The following UBOX5 variants were observed in gnomAD, a reference collection of about 807,000 sequenced individuals.
UBOX5 encodes U-box domain containing 5, also known as RING finger protein 37.
UBOX5 carries 28 observed loss-of-function variants against 39.0 expected under a neutral mutation model. The ratio of observed to expected loss-of-function variants is 0.72; its 90% confidence interval spans 0.53 to 0.98. The LOEUF is 0.98. Among genes scored for constraint, UBOX5 ranks in the 50% least tolerant of loss-of-function variants. The probability of loss-of-function intolerance (pLI) is 0.00; values close to 1 mark genes in which losing one functional copy is unlikely to be tolerated. For missense variants in UBOX5, 585 were observed against 674.4 expected (o/e 0.87, Z 1.47); for synonymous variants, 283 against 275.5 (o/e 1.03, Z -0.27).
At chr20:3,153,762 T>C (rs569708091) in intron 1 of UBOX5, among the ~76,000 whole-genome samples, 1 of 152,324 alleles carries the variant, frequency 6.6e-6, no homozygotes, top group East Asian at 1.9e-4. Flanking sequence ...TGAGTATCCC[T>C]TGTCCAAAAT....
At position 3,121,878 on chromosome 20, in the gene UBOX5, T is replaced by G. The variant is rs1409860873; in HGVS notation, c.761A>C (p.Glu254Ala). The G allele has an allele frequency of 6.2e-7, 1 of 1,613,858 alleles. No homozygotes were observed. Among genetic ancestry groups the G allele is most frequent in the East Asian group, 2.2e-5 (1 of 44,870 alleles). Residue 254 changes from glutamate (E) to alanine (A), a missense_variant, in exon 3 of 5, where the codon GAG (glutamate) becomes GCG (alanine). Glu to Ala is a moderately radical substitution (Grantham distance 107, BLOSUM62 -1). Coordinates refer to ENST00000217173, the MANE Select transcript of UBOX5 (RefSeq NM_014948.4). The part of the protein sequence containing the change: ...QAPSSLQKLA[E>A]IIQDVPEEFL... ...CTCCTCAGGCACATCCTGAATGATC[T>G]CGGCCAGCTTCTGCAGGCTGGAGGG... is the stretch of plus-strand genomic sequence containing the variant.
At position 3,121,835 on chromosome 20, in the gene UBOX5, G is replaced by C. The variant is rs1026883995; in HGVS notation, c.804C>G (p.Thr268=). The change falls in exon 3 of 5, where the codon ACC becomes ACG. Residue 268 remains threonine (T), a synonymous_variant. Coordinates refer to ENST00000217173, the MANE Select transcript of UBOX5 (RefSeq NM_014948.4). The stretch of plus-strand genomic sequence containing the variant: ...GCATGGGACAAGGCATGATCTCCAG[G>C]GTGATGGGATCCAGGAACTCCTCAG... ...DVPEEFLDPI[T]LEIMPCPMLL... is the part of the protein sequence containing the mutation. 1.9e-6 allele frequency: 3 copies of C among 1,614,120 alleles called. No homozygotes were observed. Among genetic ancestry groups the C allele is most frequent in the Non-Finnish European group, 2.5e-6 (3 of 1,180,040 alleles).
At chr20:3,141,440 G>C (rs959348959) in intron 1 of UBOX5, among the ~76,000 whole-genome samples, 1 of 151,806 alleles carries the variant, frequency 6.6e-6, no homozygotes, top group African/African-American at 2.4e-5. Context: ...CTGAGGTCAG[G>C]AGTTTTTGAT....
At chr20:3,144,779 T>C (rs1296556731) in intron 1 of UBOX5, among the ~76,000 whole-genome samples, 2 of 152,160 alleles carry the variant, frequency 1.3e-5, no homozygotes, top group African/African-American at 2.4e-5. Context: ...CAAACCTGAA[T>C]CCCACCAGAC....
rs192844911 is a variant in UBOX5 at position 3,129,870 on chromosome 20, A to C, written c.-41-6464T>G. On this transcript the variant is annotated intron_variant, in intron 1 of 4. Coordinates refer to ENST00000217173, the MANE Select transcript of UBOX5 (RefSeq NM_014948.4). ...CATCCCTCAAATTTCTCCCTACCTG[A>C]ATTATTTATTTTTATATAATAGAGC... Among the ~76,000 whole-genome samples the C allele has an allele frequency of 7.3e-3, 1,113 of 152,314 alleles. 15 individuals are homozygous for C. Among genetic ancestry groups the C allele is most frequent in the African/African-American group, 0.026 (1,076 of 41,558 alleles).
At chr20:3,132,183 G>C (rs2148604998) in intron 1 of UBOX5, among the ~76,000 whole-genome samples, 1 of 150,468 alleles carries the variant, frequency 6.6e-6, no homozygotes, top group South Asian at 2.1e-4. Flanking sequence ...GGTTGCGCAT[G>C]CCTGTAATCC....
chr20:3,121,745 T>G lies in UBOX5; in HGVS notation c.894A>C (p.Thr298=), dbSNP rs2066338412. 2 of 1,613,932 alleles carry G rather than the reference T, an allele frequency of 1.2e-6. No homozygotes were observed. Among genetic ancestry groups the G allele is most frequent in the African/African-American group, 2.7e-5 (2 of 74,892 alleles). The change falls in exon 3 of 5, where the codon ACA becomes ACC. Residue 298 remains threonine (T), a synonymous_variant. Coordinates refer to ENST00000217173, the MANE Select transcript of UBOX5 (RefSeq NM_014948.4). ...AAGGGTCACTGGGCACTCGGCCCCA[T>G]GTGGCTTCACTGCGGTTACACTTCT... ...TLEKCNRSEA[T]WGRVPSDPFT...
intron 1 of UBOX5, among the ~76,000 whole-genome samples, chr20:3,140,320 C>T (rs1393181663): frequency 6.6e-6 from 1 of 152,154 alleles, no homozygotes; most frequent in Admixed American, 6.6e-5. Flanking sequence ...AGCCACCGCA[C>T]CCAGCCCAGT....
chr20:3,115,233 G>T, intron 4 of UBOX5, 72 bp downstream of exon 4: 1 of 1,506,346 alleles, frequency 6.6e-7, no homozygotes. Flanking sequence ...CCAGGGACTC[G>T]GCCCAGCATC....
chr20:3,148,061 A>G (rs2066586746), intron 1 of UBOX5: 1 of 1,614,204 alleles, frequency 6.2e-7, no homozygotes, highest in African/African-American at 1.3e-5. Context: ...AATTTTCCGC[A>G]TGACAAATTC....
intron 1 of UBOX5, chr20:3,148,955 C>T: frequency 6.2e-7 from 1 of 1,614,192 alleles, no homozygotes; most frequent in East Asian, 2.2e-5. Context: ...GTCCTGTCCC[C>T]CATGCTGTGT....
chr20:3,127,645 C>T (rs1316513810), intron 1 of UBOX5, among the ~76,000 whole-genome samples: 4 of 152,054 alleles, frequency 2.6e-5, no homozygotes, highest in African/African-American at 7.2e-5. Context: ...ATTCCACATG[C>T]GCTCCTGCGT....
intron 3 of UBOX5, among the ~76,000 whole-genome samples, chr20:3,118,019 T>A (rs1286246697): frequency 1.3e-5 from 2 of 151,256 alleles, no homozygotes; most frequent in African/African-American, 4.9e-5. Flanking sequence ...ATAAAAAAAA[T>A]TAGCCAGTAT....
At chr20:3,140,745 G>A (rs547582050) in intron 1 of UBOX5, among the ~76,000 whole-genome samples, 2 of 151,580 alleles carry the variant, frequency 1.3e-5, no homozygotes, top group African/African-American at 4.9e-5. Flanking sequence ...AGATTCAGGA[G>A]ACACATGTGC....
intron 1 of UBOX5, among the ~76,000 whole-genome samples, chr20:3,153,102 G>T (rs1568483779): frequency 6.6e-6 from 1 of 151,984 alleles, no homozygotes; most frequent in Non-Finnish European, 1.5e-5. Flanking sequence ...ACATAAACAA[G>T]AATTAACAAA....
intron 3 of UBOX5, 45 bp from the exon 4 acceptor site, chr20:3,115,511 C>CA (rs1325523450): frequency 6.4e-7 from 1 of 1,556,906 alleles, no homozygotes; most frequent in Non-Finnish European, 8.7e-7. Context: ...ACAGGCTCCG[C>CA]AAAAGAGAAC....
intron 1 of UBOX5, among the ~76,000 whole-genome samples, chr20:3,155,836 C>G (rs1423268463): frequency 6.6e-6 from 1 of 152,152 alleles, no homozygotes; most frequent in Non-Finnish European, 1.5e-5. Flanking sequence ...GAAGAGCCAA[C>G]CTACAAATGG....
intron 1 of UBOX5, among the ~76,000 whole-genome samples, 197 bp downstream of exon 1, chr20:3,159,569 C>A (rs1034326855): frequency 6.6e-6 from 1 of 152,246 alleles, no homozygotes; most frequent in Non-Finnish European, 1.5e-5. Context: ...AACTCAGGAG[C>A]GGCGAGAGTC....
rs1393037605 is a variant in UBOX5 at position 3,121,556 on chromosome 20, A to C, written c.1083T>G (p.Ser361=). ...CAGCCTGCTCTATCTTCCTTTTCTG[A>C]GAGGGCAGAACAATGGAAGAAGGGA... ...AVIPSSIVLP[S]QKRKIEQAEH... Residue 361 remains serine, a synonymous_variant, in exon 3 of 5, where the codon TCT becomes TCG. Transcript: ENST00000217173. The C allele has an allele frequency of 2.9e-5, 46 of 1,609,544 alleles. 1 individual carries two copies. In the Middle Eastern group the frequency reaches 9.9e-4, roughly 35 times the overall value.
Sources: gnomAD v4.1 joint callset for allele counts (sites outside exome capture counted in the v4.1 genomes callset) on GRCh38, gnomAD v4.1.1 for gene constraint, MANE v1.5 for transcripts, NCBI Gene and HGNC (gene_info 2026-07-23, HGNC 2026-07-21) for gene names.